Variants in LEUTX observed in about 807,000 individuals in gnomAD.
LEUTX encodes the protein leucine twenty homeobox, also known as paired-like homeodomain transcription factor LEUTX.
LEUTX carries 5 observed loss-of-function variants against 4.5 expected under a neutral mutation model. The ratio of observed to expected loss-of-function variants is 1.11; its 90% CI spans 0.58 to 2.34. The LOEUF (loss-of-function observed/expected upper bound fraction) is 2.34. Among genes scored for constraint, LEUTX ranks in the 30% most tolerant of loss-of-function variants. LEUTX has a pLI of 0.01. For synonymous variants in LEUTX, 89 were observed against 85.1 expected (o/e 1.05, Z -0.25); for missense variants, 233 against 239.4 (o/e 0.97, Z 0.18).
chr19:39,786,035 T>G lies in LEUTX; in HGVS notation c.497T>G (p.Val166Gly). 1 of 1,551,722 alleles carries G rather than the reference T, an allele frequency of 6.4e-7. No individual in the cohort carries two copies. Among genetic ancestry groups the G allele is most frequent in the Non-Finnish European group, 8.7e-7 (1 of 1,146,978 alleles). Reference protein sequence around the residue: ...ASTLFEIDEFVKIYDLPGEDD... With the variant: ...ASTLFEIDEFGKIYDLPGEDD... ...ACTCTCTTTGAAATAGATGAATTTG[T>G]AAAGATCTATGACTTGCCAGGGGAA... The change falls in exon 3 of 3, where the codon GTA (valine) becomes GGA (glycine). Residue 166 changes from valine to glycine, a missense_variant. Physicochemically the swap from Val to Gly is moderately radical, Grantham distance 109. Transcript: ENST00000638280.
chr19:39,786,139 C>T lies in LEUTX; in HGVS notation c.*4C>T. The stretch of plus-strand genomic sequence containing the variant: ...CCAGCTCCAATCTTCAGTGTAACTT[C>T]TTACACATCACTTCTAGGGGAGGTC... On this transcript the variant is annotated 3_prime_UTR_variant, in exon 3 of 3. Coordinates refer to ENST00000638280, the MANE Select transcript of LEUTX (RefSeq NM_001382345.1). The T allele has an allele frequency of 6.6e-7, 1 of 1,510,842 alleles. No individual in the cohort carries two copies. The highest frequency in any genetic ancestry group is 1.4e-5 in the African/African-American group (1 of 71,762). 93.6% of individuals were successfully genotyped at this position (1,510,842 alleles called of 1,614,324 possible).
chr19:39,784,455 C>T (rs1327942096), intron 1 of LEUTX, 72 bp from the exon 2 acceptor site: 1 of 667,424 alleles, frequency 1.5e-6, no homozygotes, highest in Non-Finnish European at 2.7e-6. Flanking sequence ...ACAGGTGTTC[C>T]CTTGATGTAG....
rs758599556 is a variant in LEUTX, at chr19:39,784,548, G to C, written c.29G>C (p.Arg10Pro). The change falls in exon 2 of 3, where the codon CGG becomes CCG. Residue 10 changes from arginine to proline, a missense_variant. Coordinates refer to ENST00000638280, the MANE Select transcript of LEUTX (RefSeq NM_001382345.1). ...GCAGAAGGGCCAAGGCGTTATCGTC[G>C]GCCACGCACAAGATTTCTCTCCAAA... The part of the protein sequence containing the change: MFEGPRRYR[R>P]PRTRFLSKQL... The C allele has an allele frequency of 1.7e-6, 2 of 1,207,706 alleles. No homozygotes were observed. The highest frequency in any genetic ancestry group is 4.0e-5 in the Admixed American group (2 of 50,536). The allele number at this position is 1,207,706 out of a possible 1,614,324, so 74.8% of individuals were successfully genotyped here. A position where few individuals can be genotyped will look rare whatever the true frequency, so the allele number is the denominator to read the frequency against.
intron 2 of LEUTX, among the ~76,000 whole-genome samples, chr19:39,785,374 G>A (rs1967950397): frequency 6.6e-6 from 1 of 151,984 alleles, no homozygotes; most frequent in Non-Finnish European, 1.5e-5. Flanking sequence ...GGAGTTCAAG[G>A]CTGCAGCGAG....
rs1016720914 is a variant in LEUTX at position 39,785,585 on chromosome 19, TC to T, written c.160-111del. On this transcript the variant is annotated intron_variant, in intron 2 of 2. Coordinates refer to ENST00000638280, the MANE Select transcript of LEUTX (RefSeq NM_001382345.1). ...AGAGAGTAGAAAGGGCTTCCCTTGT[TC>T]CAATAAATGTGAGACTCTCTCTCAC... 6.8e-5 allele frequency: 53 copies of T among 784,446 alleles called. No individual in the cohort carries two copies. In the African/African-American group the frequency reaches 8.6e-4, roughly 13 times the overall value. 48.6% of individuals were successfully genotyped at this position (784,446 alleles called of 1,614,324 possible).
chr19:39,779,868 GC>G (rs1967859003), intron 1 of LEUTX, among the ~76,000 whole-genome samples: 2 of 152,072 alleles, frequency 1.3e-5, no homozygotes, highest in African/African-American at 4.8e-5. Context: ...ACAAAAATTA[GC>G]CAGGCATGGT....
rs200128724 is a variant in LEUTX at position 39,786,145 on chromosome 19, C to T, written c.*10C>T. 3.3e-5 allele frequency: 50 copies of T among 1,506,090 alleles called. No homozygotes were observed. In the Admixed American group the frequency reaches 8.1e-4, roughly 24 times the overall value. The allele number at this position is 1,506,090 out of a possible 1,614,324, so 93.3% of individuals were successfully genotyped here. The stretch of plus-strand genomic sequence containing the variant: ...CCAATCTTCAGTGTAACTTCTTACA[C>T]ATCACTTCTAGGGGAGGTCTGGATC... On this transcript the variant is annotated 3_prime_UTR_variant, in exon 3 of 3. Coordinates refer to ENST00000638280, the MANE Select transcript of LEUTX (RefSeq NM_001382345.1).
intron 1 of LEUTX, among the ~76,000 whole-genome samples, chr19:39,779,526 C>A (rs1967853604): frequency 6.6e-6 from 1 of 151,754 alleles, no homozygotes; most frequent in South Asian, 2.1e-4. Context: ...TTTCTTGAGG[C>A]TTAGTAGAAT....
chr19:39,779,730 C>T (rs1357377857), intron 1 of LEUTX, among the ~76,000 whole-genome samples: 1 of 152,156 alleles, frequency 6.6e-6, no homozygotes, highest in African/African-American at 2.4e-5. Flanking sequence ...AAGTATATTA[C>T]TGGCTGGGCA....
In LEUTX at chr19:39,785,845, G is replaced by T; in HGVS notation, c.307G>T (p.Val103Leu). The T allele has an allele frequency of 6.4e-7, 1 of 1,551,780 alleles. No homozygotes were observed. Among genetic ancestry groups the T allele is most frequent in the Non-Finnish European group, 8.7e-7 (1 of 1,147,004 alleles). ...CATAACTACTGCAAACATTCGTCCA[G>T]TAAGTCCTGGAATCTCTGATGCAAA... ...SAITTANIRP[V>L]SPGISDANDH... The change falls in exon 3 of 3, where the codon GTA becomes TTA. Residue 103 changes from valine to leucine, a missense_variant. Physicochemically the swap from Val to Leu is conservative, Grantham distance 32. Transcript: ENST00000638280.
rs577142991 is a variant in LEUTX at position 39,785,716 on chromosome 19, C to A, written c.178C>A (p.Arg60Ser). The change falls in exon 3 of 3, where the codon CGT becomes AGT. Residue 60 changes from arginine (R) to serine (S), a missense_variant. Physicochemically the swap from Arg to Ser is moderately radical, Grantham distance 110. Coordinates refer to ENST00000638280, the MANE Select transcript of LEUTX (RefSeq NM_001382345.1). The stretch of plus-strand genomic sequence containing the variant: ...TCCTTAGATCTGGTTCAAGAACCAG[C>A]GTGCCAAATGGAAGAGGCAGCAGCG... The part of the protein sequence containing the change: ...SVVKIWFKNQ[R>S]AKWKRQQRQQ... 2 of 1,551,796 alleles carry A rather than the reference C, an allele frequency of 1.3e-6. No homozygotes were observed. The highest frequency in any genetic ancestry group is 1.2e-5 in the South Asian group (1 of 84,042).
At chr19:39,785,466 A>C (rs1165295751) in intron 2 of LEUTX, among the ~76,000 whole-genome samples, 1 of 151,876 alleles carries the variant, frequency 6.6e-6, no homozygotes, top group Admixed American at 6.6e-5. Flanking sequence ...ACTAATAAAA[A>C]CACCCTTCTA....
intron 2 of LEUTX, among the ~76,000 whole-genome samples, chr19:39,785,201 G>C (rs1433100283): frequency 6.6e-6 from 1 of 152,214 alleles, no homozygotes; most frequent in African/African-American, 2.4e-5. Flanking sequence ...CACTTTGGGA[G>C]GTGGAGGCAG....
chr19:39,778,367 A>T (rs1390912014), upstream of LEUTX, among the ~76,000 whole-genome samples: 3 of 152,086 alleles, frequency 2.0e-5, no homozygotes, highest in Non-Finnish European at 4.4e-5. Flanking sequence ...ACTGTCATCC[A>T]TTGCTGTCTC....
rs1438025136 is a variant in LEUTX at position 39,780,884 on chromosome 19, A to T, written c.7+1957A>T. 2.0e-5 allele frequency among the ~76,000 whole-genome samples: 3 copies of T among 150,446 alleles called. No individual in the cohort carries two copies. In the East Asian group the frequency reaches 5.8e-4, roughly 29 times the overall value. On this transcript the variant is annotated intron_variant, in intron 1 of 2. Transcript: ENST00000638280. Reference sequence around the variant, plus strand: ...TTTTTTCTAATTGTTTTATATTTTTAGTAGAGATGGGGTTTCACCATGTTG... The same window carrying T: ...TTTTTTCTAATTGTTTTATATTTTTTGTAGAGATGGGGTTTCACCATGTTG...
At chr19:39,782,488 T>C (rs1967901254) in intron 1 of LEUTX, among the ~76,000 whole-genome samples, 3 of 152,214 alleles carry the variant, frequency 2.0e-5, no homozygotes, top group African/African-American at 7.2e-5. Flanking sequence ...CCCAGCCATG[T>C]GGAACTGTGA....
Position 39,784,661 on chromosome 19 carries a change from G to T in LEUTX, c.142G>T (p.Asp48Tyr). 6.4e-7 allele frequency: 1 copy of T among 1,551,610 alleles called. No homozygotes were observed. The highest frequency in any genetic ancestry group is 8.7e-7 in the Non-Finnish European group (1 of 1,146,930). Reference sequence around the variant, plus strand: ...GAAACTGGCTTCAAAGCTACAACTTGATCTATCCGTAGTAAAGGTCTGTTC... The same window carrying T: ...GAAACTGGCTTCAAAGCTACAACTTTATCTATCCGTAGTAAAGGTCTGTTC... ...MGKLASKLQL[D>Y]LSVVKIWFKN... Residue 48 changes from aspartate (D) to tyrosine (Y), a missense_variant, in exon 2 of 3, where the codon GAT becomes TAT. By Grantham distance (160) the Asp-to-Tyr change is radical. Transcript: ENST00000638280.
At chr19:39,782,540 G>C (rs1003140488) in intron 1 of LEUTX, among the ~76,000 whole-genome samples, 1 of 152,080 alleles carries the variant, frequency 6.6e-6, no homozygotes, top group Non-Finnish European at 1.5e-5. Context: ...CCAGTTTCAG[G>C]TATGTCTTTA....
intron 1 of LEUTX, among the ~76,000 whole-genome samples, chr19:39,782,462 A>G (rs138631414): frequency 2.9e-3 from 441 of 152,186 alleles, no homozygotes; most frequent in Non-Finnish European, 4.8e-3. Context: ...GCTTTCCACC[A>G]TGATTGTGAG....
Sources: allele counts gnomAD v4.1 joint callset (sites outside exome capture counted in the v4.1 genomes callset), GRCh38; gene constraint gnomAD v4.1.1; transcripts MANE v1.5; gene names NCBI Gene and HGNC (gene_info 2026-07-23, HGNC 2026-07-21).